HECW2: variants seen among roughly 807,000 people sequenced by gnomAD.
HECW2 encodes the protein HECT, C2 and WW domain containing E3 ubiquitin protein ligase 2, also known as E3 ubiquitin-protein ligase HECW2.
A neutral mutation model predicts 175.2 loss-of-function variants in HECW2; 61 were observed. The ratio of observed to expected loss-of-function variants is 0.35; its 90% CI spans 0.28 to 0.43. The LOEUF is 0.43. Ranked by LOEUF, HECW2 falls within the 20% of genes least tolerant of loss-of-function variation. The pLI, the probability that HECW2 is intolerant of heterozygous loss-of-function variation, is 1.00. For synonymous variants in HECW2, 671 were observed against 731.0 expected, an observed-to-expected ratio of 0.92 and a Z score of 1.32; for missense variants, 1,524 against 2,000.5, an observed-to-expected ratio of 0.76 and a Z score of 4.54.
chr2:196,458,440 A>T (rs1334348096), intron 1 of HECW2, among the ~76,000 whole-genome samples: 16 of 150,954 alleles, frequency 1.1e-4, no homozygotes, highest in African/African-American at 2.9e-4. Flanking sequence ...ACTCACTCAC[A>T]CACACACACA....
intron 1 of HECW2, among the ~76,000 whole-genome samples, chr2:196,534,123 G>T (rs1457642713): frequency 1.3e-5 from 2 of 152,144 alleles, no homozygotes; most frequent in Non-Finnish European, 2.9e-5. Context: ...AACTAAATGA[G>T]ATCAGACAAT....
intron 2 of HECW2, among the ~76,000 whole-genome samples, chr2:196,371,479 G>A (rs954455627): frequency 1.3e-5 from 2 of 152,204 alleles, no homozygotes; most frequent in Non-Finnish European, 2.9e-5. Flanking sequence ...TGAGAACAGT[G>A]CTCCACAAAA....
At position 196,544,230 on chromosome 2, in the gene HECW2, CTG is replaced by C. The variant is rs558387842; in HGVS notation, c.-36+49276_-36+49277del. Reference sequence around the variant, plus strand: ...TTATCCAAAGGCCCCACACAGGCCTCTGTGGGATGGCAGGCCTCCAGCCCAGC... The same window carrying C: ...TTATCCAAAGGCCCCACACAGGCCTCTGGGATGGCAGGCCTCCAGCCCAGC... On this transcript the variant is annotated intron_variant, in intron 1 of 28. Transcript: ENST00000644978. 2.6e-3 allele frequency among the ~76,000 whole-genome samples: 394 copies of C among 152,330 alleles called. 1 individual carries two copies. The highest frequency in any genetic ancestry group is 9.1e-3 in the African/African-American group (378 of 41,590).
intron 17 of HECW2, among the ~76,000 whole-genome samples, chr2:196,270,844 C>T (rs922189294): frequency 3.3e-5 from 5 of 152,062 alleles, no homozygotes; most frequent in African/African-American, 1.2e-4. Context: ...TACAGGCACA[C>T]ACCACCATGC....
intron 1 of HECW2, among the ~76,000 whole-genome samples, chr2:196,504,527 CTCTA>C (rs1223101369): frequency 6.6e-6 from 1 of 152,252 alleles, no homozygotes; most frequent in South Asian, 2.1e-4. Context: ...CTTCCTCTCT[CTCTA>C]TCTATCCACC....
At chr2:196,237,687 A>G (rs745835594) in intron 21 of HECW2, among the ~76,000 whole-genome samples, 71 of 152,256 alleles carry the variant, frequency 4.7e-4, no homozygotes, top group Non-Finnish European at 8.2e-4. Flanking sequence ...CCATGTATTT[A>G]TATCAGTATG....
intron 1 of HECW2, among the ~76,000 whole-genome samples, chr2:196,581,820 A>G (rs1184382724): frequency 6.6e-6 from 1 of 152,066 alleles, no homozygotes; most frequent in Non-Finnish European, 1.5e-5. Flanking sequence ...TAATCCCAGC[A>G]CTCTGTGAGG....
intron 2 of HECW2, among the ~76,000 whole-genome samples, chr2:196,416,035 C>T (rs551410805): frequency 1.3e-5 from 2 of 152,252 alleles, no homozygotes; most frequent in East Asian, 3.9e-4. Flanking sequence ...TTTATTTCTT[C>T]GTATCTTTCT....
In HECW2 at chr2:196,278,568, C is replaced by T. The variant is rs758073377; in HGVS notation, c.3095G>A (p.Arg1032Gln). 3 of 1,614,090 alleles carry T rather than the reference C, an allele frequency of 1.9e-6. No homozygotes were observed. Among genetic ancestry groups the T allele is most frequent in the Admixed American group, 1.7e-5 (1 of 60,004 alleles). ...SSRPTSALVH[R>Q]QHLTRQRSHS... ...GCTGCGTTGCCTTGTCAGGTGTTGCCGATGAACCAGCGCACTTGTGGGTCT... is the reference window on the plus strand; with the variant it reads ...GCTGCGTTGCCTTGTCAGGTGTTGCTGATGAACCAGCGCACTTGTGGGTCT... The change falls in exon 15 of 29, where the codon CGG (arginine) becomes CAG (glutamine). Residue 1032 changes from arginine to glutamine, a missense_variant. Transcript: ENST00000644978.
intron 1 of HECW2, among the ~76,000 whole-genome samples, chr2:196,485,427 C>T (rs998039703): frequency 4.6e-5 from 7 of 152,282 alleles, no homozygotes; most frequent in Admixed American, 2.6e-4. Flanking sequence ...GGAGGCTGGA[C>T]GACCAAGATC....
chr2:196,410,688 C>T (rs1054888506), intron 2 of HECW2, among the ~76,000 whole-genome samples: 3 of 152,110 alleles, frequency 2.0e-5, no homozygotes, highest in African/African-American at 7.2e-5. Context: ...TTCCAGTGAA[C>T]CATGTCACAA....
chr2:196,392,887 C>T (rs1208903364), intron 2 of HECW2, among the ~76,000 whole-genome samples: 1 of 152,180 alleles, frequency 6.6e-6, no homozygotes, highest in African/African-American at 2.4e-5. Flanking sequence ...AGGCATCACG[C>T]TACCTGACTT....
chr2:196,457,259 T>C (rs1392445829), intron 1 of HECW2, among the ~76,000 whole-genome samples: 1 of 152,246 alleles, frequency 6.6e-6, no homozygotes, highest in Non-Finnish European at 1.5e-5. Flanking sequence ...ATTTTTGAAC[T>C]AAAAGGGCCC....
At chr2:196,435,001 G>A (rs1224419351) in intron 1 of HECW2, among the ~76,000 whole-genome samples, 3 of 152,228 alleles carry the variant, frequency 2.0e-5, no homozygotes, top group Admixed American at 6.5e-5. Flanking sequence ...CACTTTGGAT[G>A]AAGAGGACAT....
At chr2:196,417,295 T>C (rs1695281512) in intron 2 of HECW2, among the ~76,000 whole-genome samples, 1 of 152,224 alleles carries the variant, frequency 6.6e-6, no homozygotes, top group Non-Finnish European at 1.5e-5. Context: ...TTCCTTAGAT[T>C]TGAGTGAAAC....
intron 17 of HECW2, among the ~76,000 whole-genome samples, chr2:196,258,710 A>C (rs1235020793): frequency 6.6e-6 from 1 of 152,172 alleles, no homozygotes; most frequent in East Asian, 1.9e-4. Flanking sequence ...ACATCATGCT[A>C]TTTCAAAGCA....
intron 2 of HECW2, among the ~76,000 whole-genome samples, chr2:196,384,021 C>G (rs1034722552): frequency 1.3e-5 from 2 of 152,162 alleles, no homozygotes; most frequent in Non-Finnish European, 2.9e-5. Flanking sequence ...ATGAGGTGAG[C>G]AACTAGCTTA....
intron 13 of HECW2, among the ~76,000 whole-genome samples, chr2:196,305,648 T>C (rs1168236906): frequency 6.6e-6 from 1 of 152,216 alleles, no homozygotes. Context: ...TTGTTCATTA[T>C]TTATGTATTA....
intron 7 of HECW2, among the ~76,000 whole-genome samples, chr2:196,320,917 G>A (rs909251599): frequency 5.3e-5 from 8 of 152,238 alleles, no homozygotes; most frequent in South Asian, 2.1e-4. Context: ...AACATGGCAC[G>A]TAGGGCACTG....
Sources: gnomAD v4.1 joint callset for allele counts (sites outside exome capture counted in the v4.1 genomes callset) on GRCh38, gnomAD v4.1.1 for gene constraint, MANE v1.5 for transcripts, NCBI Gene and HGNC (gene_info 2026-07-23, HGNC 2026-07-21) for gene names.